The following GALNT16 variants were observed in gnomAD, a reference collection of about 807,000 sequenced individuals.
The protein encoded by GALNT16 is polypeptide N-acetylgalactosaminyltransferase 16.
A neutral mutation model predicts 76.1 loss-of-function variants in GALNT16; 40 were observed. The observed-to-expected ratio is 0.53, with a 90% CI of 0.41 to 0.68. GALNT16 has a LOEUF of 0.68. GALNT16 is among the 30% of genes least tolerant of loss of function. GALNT16 has a pLI of 0.00. For synonymous variants in GALNT16, 276 were observed against 285.2 expected (o/e 0.97, Z 0.32); for missense variants, 621 against 731.9 (o/e 0.85, Z 1.75).
chr14:69,316,776 A>AGGG (rs1181538070), intron 1 of GALNT16, among the ~76,000 whole-genome samples: 1,457 of 67,622 alleles, frequency 0.022, 39 homozygotes, highest in African/African-American at 0.064. Flanking sequence ...GTAGTCTGTG[A>AGGG]GGGGGGGGGG....
intron 1 of GALNT16, among the ~76,000 whole-genome samples, chr14:69,281,412 C>T (rs1431039596): frequency 6.6e-6 from 1 of 152,210 alleles, no homozygotes; most frequent in Non-Finnish European, 1.5e-5. Context: ...CCTAATTCAG[C>T]TCCAGACCTT....
chr14:69,340,361 A>AT (rs1354376589), intron 11 of GALNT16, among the ~76,000 whole-genome samples: 3 of 152,184 alleles, frequency 2.0e-5, no homozygotes, highest in African/African-American at 7.2e-5. Context: ...CCTCCTGAAT[A>AT]TTTTAAATCA....
At chr14:69,267,789 T>A (rs371940737) in intron 1 of GALNT16, among the ~76,000 whole-genome samples, 3 of 151,980 alleles carry the variant, frequency 2.0e-5, no homozygotes, top group African/African-American at 7.3e-5. Flanking sequence ...TCCCTGGACC[T>A]TAGTTTCCTC....
the GALNT16 span, among the ~76,000 whole-genome samples, chr14:69,371,459 T>A: frequency 2.0e-5 from 3 of 151,210 alleles, no homozygotes; most frequent in African/African-American, 7.3e-5. Flanking sequence ...GGTTTCACCA[T>A]GTCAGCCAGG....
the GALNT16 span, among the ~76,000 whole-genome samples, chr14:69,367,291 T>C: frequency 6.6e-6 from 1 of 152,060 alleles, no homozygotes; most frequent in African/African-American, 2.4e-5. Flanking sequence ...TGTTGAAACC[T>C]AACCCCCAAA....
chr14:69,367,936 T>G, the GALNT16 span, among the ~76,000 whole-genome samples: 1 of 151,906 alleles, frequency 6.6e-6, no homozygotes, highest in African/African-American at 2.4e-5. Context: ...AAGGCTACAG[T>G]GACATGATTG....
chr14:69,383,351 G>GGT, the GALNT16 span, among the ~76,000 whole-genome samples: 476 of 152,270 alleles, frequency 3.1e-3, 4 homozygotes, highest in African/African-American at 0.011. Flanking sequence ...AAAAGTCCTA[G>GGT]GTCACTGCCA....
rs2044247700 is a variant in GALNT16 at position 69,260,421 on chromosome 14, G to A, written c.131G>A (p.Gly44Asp). ...SSGGRGAQRA[G>D]RRSEQLREDR... ...GGCGGCCGGGGCGCGCAGAGGGCAG[G>A]CAGGAGGTCGGAGCAGCTCCGCGAG... Residue 44 changes from glycine to aspartate, a missense_variant, in exon 1 of 15, where the codon GGC becomes GAC. By Grantham distance (94) the Gly-to-Asp change is moderately conservative (BLOSUM62 -1). Coordinates refer to ENST00000448469, the MANE Select transcript of GALNT16 (RefSeq NM_001168368.2). The A allele has an allele frequency of 2.5e-6, 4 of 1,594,758 alleles. No homozygotes were observed. Among genetic ancestry groups the A allele is most frequent in the Non-Finnish European group, 3.4e-6 (4 of 1,170,226 alleles).
intron 1 of GALNT16, among the ~76,000 whole-genome samples, chr14:69,305,060 G>A (rs1191573681): frequency 6.6e-6 from 1 of 150,752 alleles, no homozygotes; most frequent in African/African-American, 2.4e-5. Context: ...TTCTGTAGCA[G>A]CTGCGCCATT....
chr14:69,373,845 G>A, the GALNT16 span, among the ~76,000 whole-genome samples: 5 of 151,236 alleles, frequency 3.3e-5, no homozygotes, highest in African/African-American at 4.9e-5. Context: ...GCACAATCTC[G>A]GCTTGGCTCA....
intron 1 of GALNT16, among the ~76,000 whole-genome samples, chr14:69,318,460 C>A (rs1378180577): frequency 6.6e-6 from 1 of 152,028 alleles, no homozygotes; most frequent in African/African-American, 2.4e-5. Context: ...ATAGGAGGCG[C>A]TTGGTGGAGC....
rs542717493 is a variant in GALNT16, at chr14:69,275,497, C to A, written c.177+15030C>A. 2.0e-5 allele frequency among the ~76,000 whole-genome samples: 3 copies of A among 152,148 alleles called. No homozygotes were observed. In the South Asian group the frequency reaches 6.2e-4, roughly 32 times the overall value. On this transcript the variant is annotated intron_variant, in intron 1 of 14. Transcript: ENST00000448469. ...AAATTAAAATAATACAAAACAATTC[C>A]ATATATCATCCTTGGGTGTGTCTAT...
At chr14:69,339,432 A>G in intron 10 of GALNT16, 95 bp from the exon 11 acceptor site, 2 of 800,774 alleles carry the variant, frequency 2.5e-6, no homozygotes, top group Non-Finnish European at 4.5e-6. Flanking sequence ...TGAGATTCTC[A>G]TCGTCCTGTA....
Position 69,347,042 on chromosome 14 carries a change from T to C in GALNT16, c.1274T>C (p.Val425Ala), listed in dbSNP as rs754157094. ...YLENVYPELT[V>A]PVKEALPGII... is the part of the protein sequence containing the mutation. ...CTGACTGCTGCCTTTTCTCTCAGGG[T>C]CCCCGTGAAGGAAGCACTCCCCGGC... The change falls in exon 13 of 15, where the codon GTC becomes GCC. Residue 425 changes from valine (V) to alanine (A), a missense_variant and splice_region_variant. Physicochemically the swap from Val to Ala is moderately conservative, Grantham distance 64 (BLOSUM62 0). Transcript: ENST00000448469. 4.3e-6 allele frequency: 7 copies of C among 1,613,916 alleles called. No homozygotes were observed. The highest frequency in any genetic ancestry group is 5.9e-6 in the Non-Finnish European group (7 of 1,179,950).
At chr14:69,371,347 T>G in the GALNT16 span, among the ~76,000 whole-genome samples, 1 of 151,952 alleles carries the variant, frequency 6.6e-6, no homozygotes, top group East Asian at 1.9e-4. Context: ...TCCCACTCCC[T>G]GGTTCAAGCG....
chr14:69,288,885 T>A (rs1285584009), intron 1 of GALNT16, among the ~76,000 whole-genome samples: 1 of 148,558 alleles, frequency 6.7e-6, no homozygotes, highest in Admixed American at 6.7e-5. Flanking sequence ...AGAAGTCTTC[T>A]TTTTTTTTTA....
intron 1 of GALNT16, among the ~76,000 whole-genome samples, chr14:69,279,059 G>C (rs145001517): frequency 1.8e-4 from 27 of 151,976 alleles, no homozygotes; most frequent in African/African-American, 6.3e-4. Context: ...AGCCTCCCAA[G>C]TAGCTGGGAT....
At chr14:69,303,495 G>A (rs577084378) in intron 1 of GALNT16, among the ~76,000 whole-genome samples, 17 of 152,240 alleles carry the variant, frequency 1.1e-4, no homozygotes, top group South Asian at 4.1e-4. Flanking sequence ...CATGTAATGC[G>A]TTATATTTAG....
chr14:69,303,125 G>C (rs2044877739), intron 1 of GALNT16, among the ~76,000 whole-genome samples: 1 of 152,092 alleles, frequency 6.6e-6, no homozygotes, highest in Non-Finnish European at 1.5e-5. Context: ...CATTTTAAAG[G>C]CTTTTGATGC....
Sources: allele counts gnomAD v4.1 joint callset (sites outside exome capture counted in the v4.1 genomes callset), GRCh38; gene constraint gnomAD v4.1.1; transcripts MANE v1.5; gene names NCBI Gene and HGNC (gene_info 2026-07-23, HGNC 2026-07-21).